CCDC149: variants seen among roughly 807,000 people sequenced by gnomAD.
CCDC149 encodes coiled-coil domain-containing protein 149.
In CCDC149, 45 loss-of-function variants were observed where a neutral mutation model predicts 59.9. The observed-to-expected ratio is 0.75, with a 90% CI of 0.59 to 0.96. The LOEUF is 0.96. Ranked by LOEUF, CCDC149 falls within the 40% of genes least tolerant of loss-of-function variation. CCDC149 has a pLI of 0.00. For synonymous variants in CCDC149, 245 were observed against 260.6 expected (o/e 0.94, Z 0.58); for missense variants, 584 against 664.7 (o/e 0.88, Z 1.33).
intron 1 of CCDC149, among the ~76,000 whole-genome samples, chr4:24,943,498 AG>A (rs1473702347): frequency 3.9e-5 from 6 of 152,192 alleles, no homozygotes; most frequent in Non-Finnish European, 8.8e-5. Flanking sequence ...TTCAGGACAT[AG>A]GCATGGGCAG....
Position 24,819,971 on chromosome 4 carries a change from G to A in CCDC149, c.1080C>T (p.Gly360=), listed in dbSNP as rs1409105051. 1.3e-6 allele frequency: 2 copies of A among 1,546,856 alleles called. No homozygotes were observed. The highest frequency in any genetic ancestry group is 2.7e-5 in the African/African-American group (2 of 72,794). ...GGTCGCTGAACAGTATGGTGTCCTT[G>A]CCCCCTGTTGCAGAAAAGAGGAAAA... Residue 360 remains glycine, a synonymous_variant, in exon 12 of 13, where the codon GGC becomes GGT. Transcript: ENST00000635206.
At chr4:24,815,858 C>T (rs1016708505) in intron 12 of CCDC149, among the ~76,000 whole-genome samples, 38 of 152,138 alleles carry the variant, frequency 2.5e-4, no homozygotes, top group East Asian at 5.8e-4. Flanking sequence ...CAGGGGGGTG[C>T]GTGTGGGGCC....
intron 1 of CCDC149, among the ~76,000 whole-genome samples, chr4:24,927,684 C>T (rs950742442): frequency 9.2e-5 from 14 of 152,060 alleles, no homozygotes; most frequent in Admixed American, 6.6e-5. Context: ...CAGTCAAATG[C>T]CTATTAAACT....
At chr4:24,937,858 G>A (rs1315352799) in intron 1 of CCDC149, among the ~76,000 whole-genome samples, 3 of 152,184 alleles carry the variant, frequency 2.0e-5, no homozygotes, top group African/African-American at 7.2e-5. Context: ...ACTGAAGAGG[G>A]AGGTTGGCAA....
intron 12 of CCDC149, 107 bp downstream of exon 12, chr4:24,819,752 C>A: frequency 1.2e-6 from 1 of 823,312 alleles, no homozygotes; most frequent in Non-Finnish European, 2.1e-6. Flanking sequence ...CCCAATGATG[C>A]CAAAGCAGCA....
At chr4:24,939,741 G>A (rs990169212) in intron 1 of CCDC149, among the ~76,000 whole-genome samples, 4 of 152,296 alleles carry the variant, frequency 2.6e-5, no homozygotes, top group South Asian at 4.1e-4. Context: ...AGAACTACGC[G>A]ACGAACGCAC....
chr4:24,852,705 G>A (rs1717739403), intron 4 of CCDC149, among the ~76,000 whole-genome samples: 1 of 152,156 alleles, frequency 6.6e-6, no homozygotes, highest in African/African-American at 2.4e-5. Flanking sequence ...AACCGAATGT[G>A]AATAATTCCA....
At chr4:24,955,844 T>C (rs148831641) in intron 1 of CCDC149, among the ~76,000 whole-genome samples, 264 of 152,356 alleles carry the variant, frequency 1.7e-3, no homozygotes, top group African/African-American at 6.1e-3. Context: ...TTAATGCCAC[T>C]GAACTGTACT....
downstream of CCDC149, among the ~76,000 whole-genome samples, chr4:24,804,436 A>G (rs2109074361): frequency 6.8e-6 from 1 of 147,506 alleles, no homozygotes; most frequent in South Asian, 2.2e-4. Context: ...GGTTGCAGTG[A>G]GCCGAGATCA....
chr4:24,912,215 C>T (rs144890709), intron 1 of CCDC149, among the ~76,000 whole-genome samples: 1 of 152,214 alleles, frequency 6.6e-6, no homozygotes, highest in Non-Finnish European at 1.5e-5. Context: ...TGTGCTTCCA[C>T]AAATCGAATC....
chr4:24,928,780 A>G (rs1380914040), intron 1 of CCDC149, among the ~76,000 whole-genome samples: 1 of 152,206 alleles, frequency 6.6e-6, no homozygotes, highest in African/African-American at 2.4e-5. Context: ...TTCACAGGGC[A>G]GAGGTGTCTT....
intron 1 of CCDC149, among the ~76,000 whole-genome samples, chr4:24,881,933 A>G (rs1719863764): frequency 1.3e-5 from 2 of 152,182 alleles, no homozygotes; most frequent in South Asian, 4.1e-4. Context: ...AACCCAGCTC[A>G]TTACAGAGCC....
intron 1 of CCDC149, among the ~76,000 whole-genome samples, chr4:24,977,501 G>A (rs1724256363): frequency 6.6e-6 from 1 of 152,024 alleles, no homozygotes; most frequent in Admixed American, 6.6e-5. Flanking sequence ...TGTCATTTGT[G>A]GCCAAACAAA....
At chr4:24,961,430 G>T (rs930113450) in intron 1 of CCDC149, among the ~76,000 whole-genome samples, 5 of 152,258 alleles carry the variant, frequency 3.3e-5, no homozygotes, top group African/African-American at 4.8e-5. Flanking sequence ...AGCTACCAAT[G>T]ACTTTCTTCA....
At chr4:24,927,859 G>A (rs1248374938) in intron 1 of CCDC149, among the ~76,000 whole-genome samples, 1 of 151,496 alleles carries the variant, frequency 6.6e-6, no homozygotes, top group East Asian at 1.9e-4. Flanking sequence ...TATATGCTTG[G>A]CTTGAAAAAA....
At chr4:24,865,825 C>A (rs1470806563) in intron 3 of CCDC149, among the ~76,000 whole-genome samples, 1 of 152,168 alleles carries the variant, frequency 6.6e-6, no homozygotes, top group Non-Finnish European at 1.5e-5. Context: ...GGTGCTTCCA[C>A]CTTCCTTACA....
chr4:24,822,648 G>T, intron 9 of CCDC149, 75 bp from the exon 10 acceptor site: 2 of 996,486 alleles, frequency 2.0e-6, no homozygotes, highest in Non-Finnish European at 2.9e-6. Context: ...TCCCACTGGT[G>T]CCCTAGTAGA....
intron 1 of CCDC149, among the ~76,000 whole-genome samples, chr4:24,904,051 C>T (rs1357749277): frequency 1.3e-5 from 2 of 152,188 alleles, no homozygotes; most frequent in South Asian, 2.1e-4. Flanking sequence ...CCGCCCGCCT[C>T]AGCCTCCCAA....
intron 1 of CCDC149, among the ~76,000 whole-genome samples, chr4:24,922,724 T>C (rs1337851276): frequency 6.6e-6 from 1 of 152,140 alleles, no homozygotes; most frequent in Non-Finnish European, 1.5e-5. Flanking sequence ...GTGAGTGCTA[T>C]AGGAAGGTAT....
Sources: allele counts gnomAD v4.1 joint callset (sites outside exome capture counted in the v4.1 genomes callset), GRCh38; gene constraint gnomAD v4.1.1; transcripts MANE v1.5; gene names NCBI Gene and HGNC (gene_info 2026-07-23, HGNC 2026-07-21).